PLAC1: variants seen among roughly 807,000 people sequenced by gnomAD.
PLAC1 encodes the protein placenta-specific protein 1.
For missense variants in PLAC1, 136 were observed against 163.2 expected (o/e 0.83, Z 0.91); for synonymous variants, 68 against 62.1 (o/e 1.09, Z -0.44).
At chrX:134,630,588 AG>A (rs754066417) in intron 1 of PLAC1, among the ~76,000 whole-genome samples, 1 of 111,772 alleles carries the variant, frequency 8.9e-6, no homozygotes, top group Non-Finnish European at 1.9e-5. Context: ...TGGGGATTTA[AG>A]GGCGGGCAAG....
intron 1 of PLAC1, among the ~76,000 whole-genome samples, chrX:134,750,831 ATATT>A (rs2078740190): frequency 3.1e-5 from 1 of 32,710 alleles, no homozygotes; most frequent in Non-Finnish European, 4.6e-5. Flanking sequence ...ATATATATAT[ATATT>A]TATATATATA....
chrX:134,750,877 TTATAAATA>T lies in PLAC1; in HGVS notation n.89+13349_89+13356del, dbSNP rs1318115509. Among the ~76,000 whole-genome samples the T allele has an allele frequency of 2.5e-3, 32 of 12,663 alleles. 12 individuals are homozygous for T. Among genetic ancestry groups the T allele is most frequent in the African/African-American group, 0.022 (32 of 1,428 alleles). The allele number at this position is 12,663 out of a possible 115,157, so 11.0% of individuals were successfully genotyped here. On this transcript the variant is annotated intron_variant and non_coding_transcript_variant, in intron 1 of 2. Transcript: ENST00000466797. ...TATATATATTTTTATATATATATAT[TTATAAATA>T]TATATATATATATTTATATATATAT...
upstream of PLAC1, among the ~76,000 whole-genome samples, chrX:134,660,588 C>G: frequency 9.0e-6 from 1 of 111,603 alleles, no homozygotes; most frequent in East Asian, 2.8e-4. Context: ...GAAGATAGAG[C>G]TGAGGAAATT....
At chrX:134,713,346 A>G (rs1288530732) in intron 2 of PLAC1, among the ~76,000 whole-genome samples, 1 of 112,629 alleles carries the variant, frequency 8.9e-6, no homozygotes, top group African/African-American at 3.2e-5. Context: ...AATTTTCTTA[A>G]CCAGAAAGCA....
intron 2 of PLAC1, among the ~76,000 whole-genome samples, chrX:134,574,706 T>A (rs1387142361): frequency 9.0e-6 from 1 of 111,264 alleles, no homozygotes; most frequent in Non-Finnish European, 1.9e-5. Context: ...AAAGTGGAAC[T>A]CTCCCCTAGT....
chrX:134,649,557 G>A (rs888654948), intron 1 of PLAC1, among the ~76,000 whole-genome samples: 3 of 110,961 alleles, frequency 2.7e-5, no homozygotes, highest in East Asian at 2.8e-4. Context: ...AGGCCAGCAC[G>A]CCACTGACTA....
intron 2 of PLAC1, among the ~76,000 whole-genome samples, chrX:134,715,129 G>A (rs1439204070): frequency 8.9e-6 from 1 of 111,952 alleles, no homozygotes; most frequent in East Asian, 2.8e-4. Flanking sequence ...ATGCAGTGAG[G>A]TAGGTGTTAT....
At chrX:134,710,945 A>C (rs1325303636) in intron 2 of PLAC1, among the ~76,000 whole-genome samples, 2 of 111,970 alleles carry the variant, frequency 1.8e-5, no homozygotes, top group African/African-American at 3.2e-5. Context: ...TATAAATGAA[A>C]CGTGTGTTAA....
intron 1 of PLAC1, among the ~76,000 whole-genome samples, chrX:134,624,605 T>C (rs1348112777): frequency 1.8e-5 from 2 of 112,053 alleles, no homozygotes; most frequent in Admixed American, 9.5e-5. Flanking sequence ...AAATAAATTA[T>C]ATGATAGTAT....
chrX:134,661,746 G>A (rs1410530674), upstream of PLAC1, among the ~76,000 whole-genome samples: 3 of 111,335 alleles, frequency 2.7e-5, no homozygotes, highest in African/African-American at 9.8e-5. Flanking sequence ...TTGTTACAAG[G>A]AATAATGGAC....
intron 1 of PLAC1, among the ~76,000 whole-genome samples, chrX:134,638,473 C>T (rs756651094): frequency 1.8e-5 from 2 of 112,231 alleles, no homozygotes; most frequent in African/African-American, 3.2e-5. Flanking sequence ...GAATGTCATA[C>T]GATGATTCAA....
intron 2 of PLAC1, among the ~76,000 whole-genome samples, chrX:134,585,396 A>T (rs1427436206): frequency 9.1e-6 from 1 of 110,395 alleles, no homozygotes; most frequent in African/African-American, 3.3e-5. Context: ...GATCTTTCTA[A>T]CACGTGTAAC....
chrX:134,636,643 A>C (rs940270941), intron 1 of PLAC1, among the ~76,000 whole-genome samples: 1 of 111,899 alleles, frequency 8.9e-6, no homozygotes, highest in African/African-American at 3.2e-5. Context: ...GTGAAACTTA[A>C]AGAGAAACTT....
At chrX:134,611,095 G>A (rs1429941210) in intron 1 of PLAC1, among the ~76,000 whole-genome samples, 2 of 110,713 alleles carry the variant, frequency 1.8e-5, no homozygotes, top group Non-Finnish European at 3.8e-5. Context: ...GCCCAGGGTG[G>A]TCTCGAACTC....
At chrX:134,687,868 A>ATATATATATG (rs2078523627) in intron 2 of PLAC1, among the ~76,000 whole-genome samples, 1 of 60,193 alleles carries the variant, frequency 1.7e-5, no homozygotes, top group South Asian at 1.2e-3. Context: ...ATATATATAT[A>ATATATATATG]GCACCTAGCA....
chrX:134,687,813 A>AACAT (rs2078522309), intron 2 of PLAC1, among the ~76,000 whole-genome samples: 14 of 57,302 alleles, frequency 2.4e-4, no homozygotes, highest in African/African-American at 9.9e-4. Context: ...GGACTGAGAT[A>AACAT]ACATATATAT....
Position 134,586,670 on chromosome X carries a change from CT to C in PLAC1, c.-59+15380del, listed in dbSNP as rs765675891. ...TAACATTTTTTTTTCTTTTTCTTTT[CT>C]TTTTTTTTTTTTTTTTTGAGATGGA... is the stretch of plus-strand genomic sequence containing the variant. On this transcript the variant is annotated intron_variant, in intron 2 of 2. Coordinates refer to ENST00000359237, the MANE Select transcript of PLAC1 (RefSeq NM_021796.4). 7.4e-3 allele frequency among the ~76,000 whole-genome samples: 676 copies of C among 91,032 alleles called. 6 individuals carry two copies. The highest frequency in any genetic ancestry group is 0.02 in the African/African-American group (510 of 25,285). The allele number at this position is 91,032 out of a possible 115,157, so 79.1% of individuals were successfully genotyped here.
chrX:134,669,384 C>T (rs984682750), intron 2 of PLAC1, among the ~76,000 whole-genome samples: 1 of 112,011 alleles, frequency 8.9e-6, no homozygotes, highest in African/African-American at 3.2e-5. Context: ...TTTCCCAGGG[C>T]CCTCATCAAT....
chrX:134,574,509 TG>T (rs1158548695), intron 2 of PLAC1, among the ~76,000 whole-genome samples: 1 of 111,787 alleles, frequency 8.9e-6, no homozygotes, highest in East Asian at 2.8e-4. Context: ...ACAAGCGTCC[TG>T]GCCTGTCCAC....
Sources: allele counts gnomAD v4.1 joint callset (sites outside exome capture counted in the v4.1 genomes callset), GRCh38; gene constraint gnomAD v4.1.1; transcripts MANE v1.5; gene names NCBI Gene and HGNC (gene_info 2026-07-23, HGNC 2026-07-21).